SYCP1: variants seen among roughly 807,000 people sequenced by gnomAD.
SYCP1 encodes the protein synaptonemal complex protein 1, also known as cancer/testis antigen 8.
SYCP1 carries 64 observed loss-of-function variants against 153.1 expected under a neutral mutation model. The observed-to-expected ratio is 0.42, with a 90% CI of 0.34 to 0.51. SYCP1 has a LOEUF of 0.51. SYCP1 is among the 20% of genes least tolerant of loss of function. SYCP1 has a pLI of 0.06. For synonymous variants in SYCP1, 384 were observed against 341.8 expected (o/e 1.12, Z -1.36); for missense variants, 997 against 1,049.0 (o/e 0.95, Z 0.68).
chr1:114,902,780 GCCTCA>G, intron 16 of SYCP1, among the ~76,000 whole-genome samples: 2 of 151,972 alleles, frequency 1.3e-5, no homozygotes, highest in African/African-American at 4.8e-5. Context: ...AACTCTTGAT[GCCTCA>G]GTTTTTCCAT....
chr1:114,872,050 C>G (rs1665183636), intron 8 of SYCP1, among the ~76,000 whole-genome samples: 1 of 139,910 alleles, frequency 7.1e-6, no homozygotes, highest in Admixed American at 7.4e-5. Context: ...CTATGTTATC[C>G]AGGCTGGTTT....
chr1:114,874,568 A>G lies in SYCP1; in HGVS notation c.657+4A>G, dbSNP rs1665386135. The G allele has an allele frequency of 6.4e-7, 1 of 1,556,236 alleles. No homozygotes were observed. Among genetic ancestry groups the G allele is most frequent in the Admixed American group, 1.9e-5 (1 of 52,390 alleles). ...GGATCTAAATAATAACATTGAGGTGAGTGTTAATGAAATCTGAGTATTTTA... is the reference window on the plus strand; with the variant it reads ...GGATCTAAATAATAACATTGAGGTGGGTGTTAATGAAATCTGAGTATTTTA... On this transcript the variant is annotated splice_donor_region_variant and intron_variant, in intron 9 of 31. Coordinates refer to ENST00000369522, the MANE Select transcript of SYCP1 (RefSeq NM_003176.4).
chr1:114,874,363 ACCCAGT>A, intron 8 of SYCP1, 137 bp from the exon 9 acceptor site: 1 of 510,872 alleles, frequency 2.0e-6, no homozygotes, highest in Non-Finnish European at 3.5e-6. Context: ...ACTTAAAAAG[ACCCAGT>A]AATGATTTAG....
At chr1:114,893,918 G>C (rs1457336919) in intron 15 of SYCP1, among the ~76,000 whole-genome samples, 3 of 150,874 alleles carry the variant, frequency 2.0e-5, no homozygotes, top group Non-Finnish European at 4.4e-5. Context: ...GAGAGGTATG[G>C]TCACTTGGTC....
At chr1:114,978,170 A>G (rs1672925334) in intron 28 of SYCP1, among the ~76,000 whole-genome samples, 1 of 151,608 alleles carries the variant, frequency 6.6e-6, no homozygotes, top group South Asian at 2.1e-4. Context: ...ATTTGAAGGC[A>G]ATAGGATCTC....
chr1:114,912,000 T>C (rs756091524), intron 18 of SYCP1, among the ~76,000 whole-genome samples: 2 of 152,140 alleles, frequency 1.3e-5, no homozygotes, highest in Non-Finnish European at 2.9e-5. Flanking sequence ...TAAGTTTAAT[T>C]TGGAGAGAAA....
chr1:114,857,302 A>T (rs754557540), intron 4 of SYCP1, 27 bp downstream of exon 4: 2 of 1,593,892 alleles, frequency 1.3e-6, no homozygotes, highest in Non-Finnish European at 1.7e-6. Context: ...ACATGTAGAT[A>T]TAATCTGTTT....
intron 8 of SYCP1, among the ~76,000 whole-genome samples, chr1:114,862,398 G>T (rs1348423233): frequency 6.6e-6 from 1 of 150,956 alleles, no homozygotes; most frequent in Non-Finnish European, 1.5e-5. Context: ...GGCCAGGCTG[G>T]AGTGCAGTGG....
intron 25 of SYCP1, among the ~76,000 whole-genome samples, chr1:114,945,770 T>C (rs1670666846): frequency 7.4e-6 from 1 of 134,656 alleles, no homozygotes; most frequent in Non-Finnish European, 1.7e-5. Context: ...TTAAGGCTTC[T>C]TTTTTTGATG....
chr1:114,937,740 A>G (rs2101793323), intron 23 of SYCP1, among the ~76,000 whole-genome samples: 1 of 152,370 alleles, frequency 6.6e-6, no homozygotes, highest in African/African-American at 2.4e-5. Flanking sequence ...GGTGAAGGAT[A>G]TGAACAGACA....
chr1:114,906,846 G>A (rs554247877), intron 16 of SYCP1, among the ~76,000 whole-genome samples: 77 of 152,182 alleles, frequency 5.1e-4, no homozygotes, highest in African/African-American at 1.3e-3. Flanking sequence ...TGTCAATTAG[G>A]CTCAGTTGGC....
At chr1:114,935,003 C>G (rs1319624526) in intron 23 of SYCP1, among the ~76,000 whole-genome samples, 2 of 152,116 alleles carry the variant, frequency 1.3e-5, no homozygotes, top group Non-Finnish European at 2.9e-5. Flanking sequence ...ATCAATGAGA[C>G]AGAAAGTTAA....
chr1:114,874,197 T>A (rs1231488934), intron 8 of SYCP1, among the ~76,000 whole-genome samples: 1 of 152,216 alleles, frequency 6.6e-6, no homozygotes, highest in Non-Finnish European at 1.5e-5. Context: ...CTCTCCAATT[T>A]TGGGGTAGTA....
chr1:114,889,828 G>T (rs1666580519), intron 15 of SYCP1, among the ~76,000 whole-genome samples: 1 of 152,026 alleles, frequency 6.6e-6, no homozygotes, highest in South Asian at 2.1e-4. Context: ...GGGTTTTTAT[G>T]GTTTTAGGTC....
chr1:114,913,825 G>C, intron 19 of SYCP1, 150 bp from the exon 20 acceptor site: 1 of 463,170 alleles, frequency 2.2e-6, no homozygotes, highest in South Asian at 4.5e-5. Context: ...TAAAAAAGTA[G>C]TATGGAACTA....
chr1:114,945,866 G>C (rs1439980315), intron 25 of SYCP1, among the ~76,000 whole-genome samples: 1 of 151,950 alleles, frequency 6.6e-6, no homozygotes, highest in African/African-American at 2.4e-5. Context: ...GTGCCATGTT[G>C]GTGTGCTGCA....
chr1:114,994,896 A>ACG lies in SYCP1; in HGVS notation c.2808_2809insCG (p.Thr937ArgfsTer8). On this transcript the variant is annotated frameshift_variant, in exon 32 of 32. Transcript: ENST00000369522. LOFTEE classifies it high-confidence loss of function. ...TTTGTACTCAGGCCCCTTCATCTCT[A>ACG]ACAACCCCTGGATCTACACTGAAGT... 1 of 1,564,332 alleles carries ACG rather than the reference A, an allele frequency of 6.4e-7. No individual in the cohort carries two copies. The highest frequency in any genetic ancestry group is 8.7e-7 in the Non-Finnish European group (1 of 1,155,416).
At chr1:114,870,208 T>A (rs1034103058) in intron 8 of SYCP1, among the ~76,000 whole-genome samples, 1 of 152,074 alleles carries the variant, frequency 6.6e-6, no homozygotes, top group African/African-American at 2.4e-5. Context: ...GAGAAGGGGT[T>A]TGCTACGTTG....
intron 27 of SYCP1, among the ~76,000 whole-genome samples, chr1:114,962,065 C>T (rs1316933330): frequency 6.6e-6 from 1 of 151,464 alleles, no homozygotes. Context: ...AAAACCTTCG[C>T]CTCCCAGGTT....
Sources: gnomAD v4.1 joint callset for allele counts (sites outside exome capture counted in the v4.1 genomes callset) on GRCh38, gnomAD v4.1.1 for gene constraint, MANE v1.5 for transcripts, NCBI Gene and HGNC (gene_info 2026-07-23, HGNC 2026-07-21) for gene names.